SEMA3E: variants seen among roughly 807,000 people sequenced by gnomAD.
SEMA3E encodes semaphorin 3E, also known as semaphorin-3E.
SEMA3E carries 49 observed loss-of-function variants against 93.6 expected under a neutral mutation model. The observed-to-expected ratio is 0.52, with a 90% confidence interval of 0.42 to 0.66. SEMA3E has a LOEUF of 0.66. Among genes scored for constraint, SEMA3E ranks in the 30% least tolerant of loss-of-function variants. The pLI, the probability that SEMA3E is intolerant of heterozygous loss-of-function variation, is 0.00. For synonymous variants in SEMA3E, 363 were observed against 330.7 expected (o/e 1.10, Z -1.06); for missense variants, 906 against 964.8 (o/e 0.94, Z 0.81).
intron 1 of SEMA3E, among the ~76,000 whole-genome samples, chr7:83,526,389 A>AT (rs1464354198): frequency 6.6e-6 from 1 of 152,250 alleles, no homozygotes; most frequent in Non-Finnish European, 1.5e-5. Flanking sequence ...AAGAAAAAAA[A>AT]ATTATTTCAT....
intron 4 of SEMA3E, among the ~76,000 whole-genome samples, chr7:83,465,020 T>TCA (rs61497513): frequency 0.97 from 146,497 of 151,676 alleles, 70,977 homozygotes; most frequent in East Asian, 1. Context: ...AACTGAAGAA[T>TCA]CAAAAGAAGT....
chr7:83,633,077 CG>C (rs1793818186), intron 1 of SEMA3E, among the ~76,000 whole-genome samples: 1 of 151,906 alleles, frequency 6.6e-6, no homozygotes, highest in Non-Finnish European at 1.5e-5. Context: ...TGAAATAAGA[CG>C]TAAAATGCTA....
intron 14 of SEMA3E, among the ~76,000 whole-genome samples, chr7:83,388,393 C>CT (rs1584210780): frequency 2.0e-5 from 3 of 149,226 alleles, no homozygotes; most frequent in Non-Finnish European, 3.0e-5. Context: ...ATATGTAAGC[C>CT]TTTTTTCTGA....
chr7:83,550,706 G>T (rs1213577425), intron 1 of SEMA3E, among the ~76,000 whole-genome samples: 1 of 151,884 alleles, frequency 6.6e-6, no homozygotes, highest in Non-Finnish European at 1.5e-5. Flanking sequence ...CTACTCATCA[G>T]AAAATTCATT....
At chr7:83,536,006 A>T (rs1791404963) in intron 1 of SEMA3E, among the ~76,000 whole-genome samples, 1 of 152,132 alleles carries the variant, frequency 6.6e-6, no homozygotes, top group Non-Finnish European at 1.5e-5. Context: ...TTTGATTTGA[A>T]TTTGCCTCTA....
At chr7:83,643,961 G>A (rs1323097712) in intron 1 of SEMA3E, among the ~76,000 whole-genome samples, 1 of 151,916 alleles carries the variant, frequency 6.6e-6, no homozygotes, top group Non-Finnish European at 1.5e-5. Flanking sequence ...GCTATTGGAT[G>A]AGGAACCAAA....
intron 1 of SEMA3E, among the ~76,000 whole-genome samples, chr7:83,573,106 C>G (rs1346932027): frequency 2.6e-5 from 3 of 116,906 alleles, no homozygotes; most frequent in Non-Finnish European, 5.3e-5. Context: ...CAGCCTACAG[C>G]CTACAGACAG....
At chr7:83,490,080 A>C (rs1283212749) in intron 2 of SEMA3E, 34 bp downstream of exon 2, 2 of 1,603,376 alleles carry the variant, frequency 1.2e-6, no homozygotes, top group Non-Finnish European at 1.7e-6. Context: ...CCCCTTTTCT[A>C]TCTCTACTGA....
intron 4 of SEMA3E, among the ~76,000 whole-genome samples, chr7:83,458,704 A>G (rs903390505): frequency 3.9e-5 from 6 of 151,920 alleles, no homozygotes; most frequent in Non-Finnish European, 7.4e-5. Context: ...CACATTGGAG[A>G]TATCAGGAGA....
chr7:83,501,871 T>C (rs1026082471), intron 1 of SEMA3E, among the ~76,000 whole-genome samples: 1 of 152,224 alleles, frequency 6.6e-6, no homozygotes, highest in Non-Finnish European at 1.5e-5. Flanking sequence ...GAATCACATT[T>C]TTTCTTCATA....
At chr7:83,405,863 A>C (rs543443179) in intron 8 of SEMA3E, 82 bp downstream of exon 8, 1 of 1,082,240 alleles carries the variant, frequency 9.2e-7, no homozygotes, top group Admixed American at 1.8e-5. Flanking sequence ...CACAGAAAGC[A>C]AGTTTCTATG....
chr7:83,420,272 A>G (rs1188598014), intron 4 of SEMA3E, among the ~76,000 whole-genome samples: 1 of 152,114 alleles, frequency 6.6e-6, no homozygotes, highest in Non-Finnish European at 1.5e-5. Context: ...AAAGGCCTCT[A>G]TAAGGAGATA....
intron 4 of SEMA3E, among the ~76,000 whole-genome samples, chr7:83,460,956 C>T (rs890827611): frequency 6.6e-6 from 1 of 152,028 alleles, no homozygotes; most frequent in Admixed American, 6.5e-5. Flanking sequence ...CCTTCTACTC[C>T]CTTGGCCTGT....
chr7:83,467,357 T>G (rs1584268353), intron 3 of SEMA3E, among the ~76,000 whole-genome samples: 1 of 152,178 alleles, frequency 6.6e-6, no homozygotes, highest in African/African-American at 2.4e-5. Flanking sequence ...CAAACAGAAT[T>G]TTAATGTTTT....
chr7:83,380,677 A>C (rs542096644), intron 16 of SEMA3E, among the ~76,000 whole-genome samples: 1 of 152,058 alleles, frequency 6.6e-6, no homozygotes, highest in Non-Finnish European at 1.5e-5. Flanking sequence ...TGGTTTCAAC[A>C]GAATCTTTAA....
chr7:83,606,430 C>T (rs1385415817), intron 1 of SEMA3E, among the ~76,000 whole-genome samples: 2 of 150,770 alleles, frequency 1.3e-5, no homozygotes, highest in African/African-American at 4.9e-5. Context: ...TACTATGCAG[C>T]CATAAAAAAT....
intron 16 of SEMA3E, among the ~76,000 whole-genome samples, chr7:83,385,011 C>A (rs983526770): frequency 2.6e-5 from 4 of 151,250 alleles, no homozygotes; most frequent in Non-Finnish European, 5.9e-5. Context: ...GTTATAAGTA[C>A]CTCTTTAAAA....
intron 1 of SEMA3E, among the ~76,000 whole-genome samples, chr7:83,581,856 A>G (rs1792524668): frequency 6.6e-6 from 1 of 152,004 alleles, no homozygotes; most frequent in Non-Finnish European, 1.5e-5. Context: ...TTTTTCTGCC[A>G]ATCAAGGATA....
At chr7:83,383,942 T>C (rs1787831507) in intron 16 of SEMA3E, among the ~76,000 whole-genome samples, 1 of 152,068 alleles carries the variant, frequency 6.6e-6, no homozygotes, top group South Asian at 2.1e-4. Flanking sequence ...CTCAGATTTG[T>C]GAAGTGGAAA....
Sources: allele counts gnomAD v4.1 joint callset (sites outside exome capture counted in the v4.1 genomes callset), GRCh38; gene constraint gnomAD v4.1.1; transcripts MANE v1.5; gene names NCBI Gene and HGNC (gene_info 2026-07-23, HGNC 2026-07-21).